The following ROBO1 variants were observed in gnomAD, a reference collection of about 807,000 sequenced individuals.
The protein encoded by ROBO1 is roundabout homolog 1.
In ROBO1, 149 loss-of-function variants were observed where a neutral mutation model predicts 195.9. The observed-to-expected ratio is 0.76, with a 90% confidence interval of 0.67 to 0.87. The LOEUF is 0.87. Among genes scored for constraint, ROBO1 ranks in the 40% least tolerant of loss-of-function variants. The pLI is 0.00. For synonymous variants in ROBO1, 816 were observed against 733.2 expected (o/e 1.11, Z -1.82); for missense variants, 1,933 against 2,068.3 (o/e 0.93, Z 1.27).
At chr3:79,265,808 A>C (rs1265334239) in intron 2 of ROBO1, among the ~76,000 whole-genome samples, 1 of 151,482 alleles carries the variant, frequency 6.6e-6, no homozygotes, top group Non-Finnish European at 1.5e-5. Context: ...CATAATAAAA[A>C]TACTTTGAGG....
intron 5 of ROBO1, among the ~76,000 whole-genome samples, chr3:78,743,132 C>T (rs1446515194): frequency 6.6e-6 from 1 of 151,958 alleles, no homozygotes; most frequent in Admixed American, 6.6e-5. Context: ...ACTACAATCA[C>T]CATTATTTTT....
intron 2 of ROBO1, among the ~76,000 whole-genome samples, chr3:79,535,847 A>G (rs756348513): frequency 2.0e-5 from 3 of 152,028 alleles, no homozygotes; most frequent in Admixed American, 6.6e-5. Flanking sequence ...TCTCGATCCC[A>G]TTCCTTTTAC....
At chr3:79,124,141 A>G (rs1006891875) in intron 3 of ROBO1, among the ~76,000 whole-genome samples, 1 of 152,044 alleles carries the variant, frequency 6.6e-6, no homozygotes, top group African/African-American at 2.4e-5. Flanking sequence ...GTATTAAGGG[A>G]TAACATTTAC....
At chr3:79,488,261 C>A (rs1939265169) in intron 2 of ROBO1, among the ~76,000 whole-genome samples, 1 of 152,172 alleles carries the variant, frequency 6.6e-6, no homozygotes, top group East Asian at 1.9e-4. Flanking sequence ...GAATTAATAT[C>A]CAATATTCTC....
intron 4 of ROBO1, among the ~76,000 whole-genome samples, chr3:78,781,277 T>C (rs182640385): frequency 3.3e-5 from 5 of 152,282 alleles, no homozygotes; most frequent in African/African-American, 1.2e-4. Context: ...TCTCTCAAAT[T>C]AGTCACCTTC....
intron 2 of ROBO1, among the ~76,000 whole-genome samples, chr3:79,223,927 C>A (rs765793189): frequency 2.6e-5 from 4 of 152,074 alleles, no homozygotes; most frequent in Non-Finnish European, 5.9e-5. Flanking sequence ...ATATTCTTGG[C>A]AGAAAATCAT....
intron 4 of ROBO1, among the ~76,000 whole-genome samples, chr3:78,937,049 T>C (rs328050): frequency 6.6e-6 from 1 of 151,860 alleles, no homozygotes; most frequent in Non-Finnish European, 1.5e-5. Context: ...AATGAATAGC[T>C]AGTTTTAACA....
chr3:78,734,559 TCAAA>T (rs987805656), intron 5 of ROBO1, among the ~76,000 whole-genome samples: 19 of 149,418 alleles, frequency 1.3e-4, no homozygotes, highest in African/African-American at 4.7e-4. Flanking sequence ...ATACCCTGTC[TCAAA>T]CAAACAAATA....
At chr3:78,631,630 C>T (rs953117583) in intron 24 of ROBO1, among the ~76,000 whole-genome samples, 5 of 152,088 alleles carry the variant, frequency 3.3e-5, no homozygotes, top group African/African-American at 9.7e-5. Flanking sequence ...TATATTTTCT[C>T]GAGTGCCTTT....
chr3:78,658,631 C>G (rs971877312), intron 17 of ROBO1, among the ~76,000 whole-genome samples: 3 of 152,152 alleles, frequency 2.0e-5, no homozygotes, highest in Non-Finnish European at 2.9e-5. Flanking sequence ...ATACCATTAA[C>G]TTTAAGTAGA....
At chr3:79,523,382 G>A (rs543882679) in intron 2 of ROBO1, among the ~76,000 whole-genome samples, 31 of 148,432 alleles carry the variant, frequency 2.1e-4, no homozygotes, top group Middle Eastern at 3.5e-3. Context: ...AATTTTATGC[G>A]TCAATTTTAA....
At chr3:79,757,487 T>TTCTTTCTCTCTC (rs538280158) in intron 1 of ROBO1, among the ~76,000 whole-genome samples, 3 of 145,486 alleles carry the variant, frequency 2.1e-5, no homozygotes, top group African/African-American at 8.1e-5. Flanking sequence ...CTTTCTTTCT[T>TTCTTTCTCTCTC]TCTCTCTCTC....
intron 2 of ROBO1, among the ~76,000 whole-genome samples, chr3:79,278,087 A>G (rs1473233608): frequency 2.0e-5 from 3 of 152,094 alleles, no homozygotes; most frequent in Non-Finnish European, 4.4e-5. Flanking sequence ...TAAATAAAAT[A>G]TCTAGTAATA....
Position 79,537,089 on chromosome 3 carries a change from C to G in ROBO1, c.88+52735G>C, listed in dbSNP as rs560945704. 1.3e-5 allele frequency among the ~76,000 whole-genome samples: 2 copies of G among 148,406 alleles called. 1 individual carries two copies. The highest frequency in any genetic ancestry group is 4.2e-4 in the South Asian group (2 of 4,732). ...ATTTGCCTTAGTGGTCTTCATTTAT[C>G]TTTCCTTCTTTTTTCCTTTTTTTAT... On this transcript the variant is annotated intron_variant, in intron 2 of 30. Coordinates refer to ENST00000464233, the MANE Select transcript of ROBO1 (RefSeq NM_002941.4).
In ROBO1 at chr3:78,874,663, A is replaced by G. The variant is rs1404142667; in HGVS notation, c.499+63938T>C. On this transcript the variant is annotated intron_variant, in intron 4 of 30. Transcript: ENST00000464233. Reference sequence around the variant, plus strand: ...TAGCTCAAAAACATTTATTTAAAAAATTGAACTAGAATTTTAAAATATAAA... The same window carrying G: ...TAGCTCAAAAACATTTATTTAAAAAGTTGAACTAGAATTTTAAAATATAAA... Among the ~76,000 whole-genome samples, 6 of 152,006 alleles carry G rather than the reference A, an allele frequency of 3.9e-5. No homozygotes were observed. In the South Asian group the frequency reaches 1.2e-3, roughly 32 times the overall value.
intron 28 of ROBO1, among the ~76,000 whole-genome samples, chr3:78,612,427 G>A (rs1198017978): frequency 6.6e-6 from 1 of 151,970 alleles, no homozygotes; most frequent in Non-Finnish European, 1.5e-5. Flanking sequence ...TTCATGAGTT[G>A]GTCTATGAAT....
In ROBO1 at chr3:78,734,715, T is replaced by C. The variant is rs369005928; in HGVS notation, c.657+12028A>G. On this transcript the variant is annotated intron_variant, in intron 5 of 30. Coordinates refer to ENST00000464233, the MANE Select transcript of ROBO1 (RefSeq NM_002941.4). ...AGGATAGCATGTCAACATGGCATGA[T>C]ATCAAAACTGAGGACTTTAATTCAT... Among the ~76,000 whole-genome samples, 82 of 152,164 alleles carry C rather than the reference T, an allele frequency of 5.4e-4. 1 individual carries two copies. The South Asian group carries it at 0.01, about 19-fold the overall frequency.
At chr3:79,352,528 A>G (rs978938372) in intron 2 of ROBO1, among the ~76,000 whole-genome samples, 2 of 152,196 alleles carry the variant, frequency 1.3e-5, no homozygotes, top group African/African-American at 4.8e-5. Flanking sequence ...ATTCTAATGC[A>G]TATGTATCTA....
At chr3:78,700,590 C>T (rs774259515) in intron 8 of ROBO1, among the ~76,000 whole-genome samples, 36 of 152,234 alleles carry the variant, frequency 2.4e-4, no homozygotes, top group Middle Eastern at 3.4e-3. Context: ...TCAGGCTTAG[C>T]TAACTGTGTG....
Sources: gnomAD v4.1 joint callset for allele counts (sites outside exome capture counted in the v4.1 genomes callset) on GRCh38, gnomAD v4.1.1 for gene constraint, MANE v1.5 for transcripts, NCBI Gene and HGNC (gene_info 2026-07-23, HGNC 2026-07-21) for gene names.